GRM8: variants seen among roughly 807,000 people sequenced by gnomAD.
GRM8 encodes metabotropic glutamate receptor 8.
Under a neutral mutation model 87.2 loss-of-function variants are expected in GRM8, and 47 were observed. That is an observed-to-expected ratio of 0.54 (90% CI 0.43 to 0.69). The LOEUF is 0.69. Ranked by LOEUF, GRM8 falls within the 30% of genes least tolerant of loss-of-function variation. GRM8 has a pLI of 0.00. For synonymous variants in GRM8, 396 were observed against 404.5 expected, an observed-to-expected ratio of 0.98 and a Z score of 0.25; for missense variants, 1,019 against 1,139.2, an observed-to-expected ratio of 0.89 and a Z score of 1.52.
At chr7:127,036,487 G>A (rs1817856288) in intron 3 of GRM8, among the ~76,000 whole-genome samples, 1 of 152,138 alleles carries the variant, frequency 6.6e-6, no homozygotes, top group African/African-American at 2.4e-5. Context: ...TGTATTTGAT[G>A]GCCTGCCTGG....
intron 3 of GRM8, among the ~76,000 whole-genome samples, chr7:127,102,788 T>G (rs1407692590): frequency 1.3e-5 from 2 of 152,110 alleles, no homozygotes; most frequent in African/African-American, 4.8e-5. Context: ...CAGGGGGAAA[T>G]GTGGGGTTGG....
rs564408523 is a variant in GRM8, at chr7:127,133,577, G to A, written c.511-26865C>T. On this transcript the variant is annotated intron_variant, in intron 2 of 10. Coordinates refer to ENST00000339582, the MANE Select transcript of GRM8 (RefSeq NM_000845.3). ...AAAAATTAGTCAGGCATGGTGGCAG[G>A]CGCCTGTAATCTCAGCTACTCGGGA... Among the ~76,000 whole-genome samples the A allele has an allele frequency of 1.1e-4, 17 of 151,698 alleles. No homozygotes were observed. The South Asian group carries it at 3.1e-3, about 28-fold the overall frequency.
chr7:126,656,437 G>A (rs956506188), intron 7 of GRM8, among the ~76,000 whole-genome samples: 11 of 152,172 alleles, frequency 7.2e-5, no homozygotes, highest in Non-Finnish European at 1.3e-4. Flanking sequence ...CTAGCACTTT[G>A]GGAGGCCAAG....
intron 6 of GRM8, among the ~76,000 whole-genome samples, chr7:126,775,479 GTTTTTTTTTTTTT>G (rs372733476): frequency 8.1e-4 from 85 of 104,764 alleles, no homozygotes; most frequent in African/African-American, 3.1e-3. Context: ...TGACAAATAG[GTTTTTTTTTTTTT>G]TTTTTTTTTT....
chr7:126,628,749 T>G (rs1000111242), intron 7 of GRM8, among the ~76,000 whole-genome samples: 1 of 152,180 alleles, frequency 6.6e-6, no homozygotes, highest in Non-Finnish European at 1.5e-5. Context: ...AAATATAGCT[T>G]TTTGTCAAAA....
chr7:126,592,876 T>C (rs1796819874), intron 8 of GRM8, among the ~76,000 whole-genome samples: 1 of 151,922 alleles, frequency 6.6e-6, no homozygotes, highest in Admixed American at 6.6e-5. Context: ...TGTTTGTAGA[T>C]GACATGCTGT....
At position 126,562,846 on chromosome 7, in the gene GRM8, G is replaced by A. The variant is rs1326314284; in HGVS notation, c.1495-28959C>T. Among the ~76,000 whole-genome samples the A allele has an allele frequency of 5.9e-5, 9 of 152,190 alleles. No homozygotes were observed. The East Asian group carries it at 1.7e-3, about 29-fold the overall frequency. On this transcript the variant is annotated intron_variant, in intron 8 of 10. Coordinates refer to ENST00000339582, the MANE Select transcript of GRM8 (RefSeq NM_000845.3). ...CAGGAGGCAGATATTGCGGTGAGCC[G>A]AGACCATACCACTGCACTCCAGCCT...
intron 2 of GRM8, among the ~76,000 whole-genome samples, chr7:127,186,854 C>A (rs552775482): frequency 1.3e-4 from 20 of 152,264 alleles, no homozygotes; most frequent in African/African-American, 4.6e-4. Flanking sequence ...TTGCCCTTTA[C>A]ACATAGCACA....
At chr7:126,731,165 G>A (rs898343570) in intron 7 of GRM8, among the ~76,000 whole-genome samples, 1 of 152,082 alleles carries the variant, frequency 6.6e-6, no homozygotes, top group Non-Finnish European at 1.5e-5. Flanking sequence ...TTCTCCTGGT[G>A]TCCCAATGGT....
At chr7:126,563,803 C>T (rs186108495) in intron 8 of GRM8, among the ~76,000 whole-genome samples, 1 of 152,300 alleles carries the variant, frequency 6.6e-6, no homozygotes, top group African/African-American at 2.4e-5. Flanking sequence ...GCTACCACAA[C>T]AGAGAAGGAT....
intron 9 of GRM8, among the ~76,000 whole-genome samples, chr7:126,487,423 C>T (rs372582872): frequency 3.0e-4 from 46 of 151,962 alleles, no homozygotes; most frequent in African/African-American, 1.1e-3. Context: ...TGCCACCACA[C>T]GAGACGGAAG....
intron 2 of GRM8, among the ~76,000 whole-genome samples, chr7:127,205,230 T>C (rs548099876): frequency 6.6e-6 from 1 of 152,294 alleles, no homozygotes; most frequent in African/African-American, 2.4e-5. Flanking sequence ...ATTGATTCAA[T>C]CTATATGAAT....
At chr7:126,590,747 C>T (rs1174060122) in intron 8 of GRM8, among the ~76,000 whole-genome samples, 1 of 152,042 alleles carries the variant, frequency 6.6e-6, no homozygotes, top group Admixed American at 6.6e-5. Context: ...CAATTATCAG[C>T]CAATAATTTT....
intron 3 of GRM8, among the ~76,000 whole-genome samples, chr7:127,098,322 T>A (rs1824878895): frequency 6.6e-6 from 1 of 152,208 alleles, no homozygotes; most frequent in Non-Finnish European, 1.5e-5. Context: ...TGGAAGTCAT[T>A]TTCCCAAAGC....
intron 7 of GRM8, among the ~76,000 whole-genome samples, chr7:126,723,030 T>A (rs888160266): frequency 6.9e-6 from 1 of 144,570 alleles, no homozygotes. Context: ...AAATTATATA[T>A]ATAAATCAAA....
chr7:126,729,136 A>G (rs188341040), intron 7 of GRM8, among the ~76,000 whole-genome samples: 1 of 152,280 alleles, frequency 6.6e-6, no homozygotes, highest in African/African-American at 2.4e-5. Flanking sequence ...TATGAAGTTC[A>G]GCTAGCTATT....
At chr7:127,015,971 C>A (rs1815628195) in intron 3 of GRM8, among the ~76,000 whole-genome samples, 1 of 152,048 alleles carries the variant, frequency 6.6e-6, no homozygotes, top group South Asian at 2.1e-4. Context: ...AAAGATTGGG[C>A]ATATTTTTAA....
At chr7:126,525,529 A>G (rs1714536710) in intron 9 of GRM8, among the ~76,000 whole-genome samples, 4 of 152,154 alleles carry the variant, frequency 2.6e-5, no homozygotes, top group African/African-American at 9.7e-5. Context: ...TATTTCCCTA[A>G]TGGTCACTCT....
chr7:126,650,095 G>A (rs1364363887), intron 7 of GRM8, among the ~76,000 whole-genome samples: 2 of 152,168 alleles, frequency 1.3e-5, no homozygotes, highest in Non-Finnish European at 2.9e-5. Flanking sequence ...AAGTCACCAC[G>A]TCTGCCTATC....
Sources: allele counts gnomAD v4.1 joint callset (sites outside exome capture counted in the v4.1 genomes callset), GRCh38; gene constraint gnomAD v4.1.1; transcripts MANE v1.5; gene names NCBI Gene and HGNC (gene_info 2026-07-23, HGNC 2026-07-21).